The following OPCML variants were observed in gnomAD, a reference collection of about 807,000 sequenced individuals.
OPCML encodes the protein opioid-binding protein/cell adhesion molecule.
A neutral mutation model predicts 37.8 loss-of-function variants in OPCML; 13 were observed. That is an observed-to-expected ratio of 0.34 (90% CI 0.22 to 0.55). The LOEUF (loss-of-function observed/expected upper bound fraction) is 0.55, where lower values mean the gene tolerates loss of function less well. Among genes scored for constraint, OPCML ranks in the 20% least tolerant of loss-of-function variants. The probability of loss-of-function intolerance (pLI) is 0.91; values close to 1 mark genes in which losing one functional copy is unlikely to be tolerated. For missense variants in OPCML, 341 were observed against 435.6 expected (o/e 0.78, Z 1.93); for synonymous variants, 176 against 168.8 (o/e 1.04, Z -0.33).
At chr11:133,149,702 C>T (rs1744547527) in intron 1 of OPCML, among the ~76,000 whole-genome samples, 1 of 152,210 alleles carries the variant, frequency 6.6e-6, no homozygotes, top group African/African-American at 2.4e-5. Flanking sequence ...GCTGCTGGCT[C>T]ACTGAAGCTG....
intron 1 of OPCML, among the ~76,000 whole-genome samples, chr11:133,281,455 A>G (rs1221984688): frequency 6.6e-6 from 1 of 152,034 alleles, no homozygotes; most frequent in East Asian, 1.9e-4. Flanking sequence ...TGACTGGTAA[A>G]TTCCTGAGAC....
chr11:132,428,027 T>C (rs565723939), intron 7 of OPCML, among the ~76,000 whole-genome samples: 1 of 152,314 alleles, frequency 6.6e-6, no homozygotes, highest in Non-Finnish European at 1.5e-5. Context: ...TCATACACGT[T>C]ATCAGCAGGA....
At chr11:132,819,647 C>T (rs1218927167) in intron 2 of OPCML, among the ~76,000 whole-genome samples, 1 of 150,372 alleles carries the variant, frequency 6.7e-6, no homozygotes, top group Non-Finnish European at 1.5e-5. Context: ...CAGGATTCTC[C>T]CATTTTTTGT....
intron 1 of OPCML, among the ~76,000 whole-genome samples, chr11:133,530,521 G>A (rs925525597): frequency 6.6e-6 from 1 of 152,216 alleles, no homozygotes; most frequent in Non-Finnish European, 1.5e-5. Flanking sequence ...AGGAAAGTTT[G>A]TCTTCTCCTG....
chr11:132,751,233 C>T (rs1429718957), intron 2 of OPCML, among the ~76,000 whole-genome samples: 2 of 152,094 alleles, frequency 1.3e-5, no homozygotes, highest in Non-Finnish European at 2.9e-5. Context: ...TGGCCTCTGG[C>T]TGTATTTTTG....
intron 1 of OPCML, among the ~76,000 whole-genome samples, chr11:133,460,201 T>C (rs576966682): frequency 6.6e-6 from 1 of 151,802 alleles, no homozygotes; most frequent in African/African-American, 2.4e-5. Context: ...ATACCAAAAC[T>C]TATGAGATGT....
chr11:132,532,576 C>T (rs183127873), intron 3 of OPCML, among the ~76,000 whole-genome samples: 33 of 152,180 alleles, frequency 2.2e-4, no homozygotes, highest in Non-Finnish European at 4.4e-5. Flanking sequence ...TAAATGAGAG[C>T]TCATCTCACT....
intron 1 of OPCML, among the ~76,000 whole-genome samples, chr11:133,022,507 C>A (rs997194923): frequency 2.0e-5 from 3 of 149,102 alleles, no homozygotes; most frequent in African/African-American, 7.4e-5. Flanking sequence ...CTGCTTTTAT[C>A]CCTCACCTCC....
At chr11:132,940,529 C>A (rs557147675) in intron 2 of OPCML, among the ~76,000 whole-genome samples, 1 of 152,148 alleles carries the variant, frequency 6.6e-6, no homozygotes, top group Admixed American at 6.5e-5. Context: ...AAAACACCAC[C>A]AAATAAAACA....
At chr11:133,040,187 A>T (rs2136943160) in intron 1 of OPCML, among the ~76,000 whole-genome samples, 1 of 152,158 alleles carries the variant, frequency 6.6e-6, no homozygotes, top group Non-Finnish European at 1.5e-5. Flanking sequence ...GGCATTTTTA[A>T]ACCACACTAT....
At chr11:132,727,024 C>T (rs1234946094) in intron 2 of OPCML, among the ~76,000 whole-genome samples, 1 of 152,158 alleles carries the variant, frequency 6.6e-6, no homozygotes, top group Non-Finnish European at 1.5e-5. Flanking sequence ...AAGCTCCTCA[C>T]ACACACTGCA....
At chr11:133,095,228 T>G (rs1948980479) in intron 1 of OPCML, among the ~76,000 whole-genome samples, 2 of 149,214 alleles carry the variant, frequency 1.3e-5, no homozygotes, top group Admixed American at 1.4e-4. Context: ...TCCAATAAAA[T>G]AGCCCTGTTG....
intron 1 of OPCML, among the ~76,000 whole-genome samples, chr11:133,182,499 A>T (rs950186245): frequency 5.9e-5 from 9 of 152,202 alleles, no homozygotes; most frequent in Non-Finnish European, 1.5e-5. Flanking sequence ...AAAAAGGAAG[A>T]GACAATTCTG....
At chr11:133,013,913 G>A (rs1947267582) in intron 1 of OPCML, among the ~76,000 whole-genome samples, 1 of 152,212 alleles carries the variant, frequency 6.6e-6, no homozygotes, top group South Asian at 2.1e-4. Flanking sequence ...TTAAGAGGAA[G>A]CAGATGCACG....
rs140176182 is a variant in OPCML, at chr11:132,904,747, C to T, written c.146+38179G>A. Among the ~76,000 whole-genome samples the T allele has an allele frequency of 1.5e-3, 226 of 152,290 alleles. 1 individual carries two copies. Among genetic ancestry groups the T allele is most frequent in the African/African-American group, 5.2e-3 (215 of 41,562 alleles). On this transcript the variant is annotated intron_variant, in intron 2 of 7. Transcript: ENST00000524381. The stretch of plus-strand genomic sequence containing the variant: ...CACCCAAGAGGCTGCTGGCCAGGCT[C>T]CTCAGATCCTGACCTAGTTAGCAGC...
chr11:133,172,502 G>C (rs1950301229), intron 1 of OPCML, among the ~76,000 whole-genome samples: 1 of 152,176 alleles, frequency 6.6e-6, no homozygotes, highest in Non-Finnish European at 1.5e-5. Context: ...GGCCCAGAGA[G>C]AGGGAGAATC....
At chr11:132,554,958 C>T (rs1015790732) in intron 3 of OPCML, among the ~76,000 whole-genome samples, 6 of 119,376 alleles carry the variant, frequency 5.0e-5, no homozygotes, top group African/African-American at 1.9e-4. Context: ...CTGTTTGGGG[C>T]ATTTTCTCTG....
chr11:132,803,117 A>G (rs1938773930), intron 2 of OPCML, among the ~76,000 whole-genome samples: 1 of 152,176 alleles, frequency 6.6e-6, no homozygotes, highest in South Asian at 2.1e-4. Context: ...TTAAGCTGTG[A>G]CAGGTTTCCA....
At chr11:132,471,086 A>T (rs1246678041) in intron 4 of OPCML, among the ~76,000 whole-genome samples, 1 of 152,252 alleles carries the variant, frequency 6.6e-6, no homozygotes, top group Non-Finnish European at 1.5e-5. Context: ...GTTTCCAGTT[A>T]AATGAGCATC....
Sources: gnomAD v4.1 joint callset for allele counts (sites outside exome capture counted in the v4.1 genomes callset) on GRCh38, gnomAD v4.1.1 for gene constraint, MANE v1.5 for transcripts, NCBI Gene and HGNC (gene_info 2026-07-23, HGNC 2026-07-21) for gene names.